Variants in SH3BGRL2 observed in about 807,000 individuals in gnomAD.
SH3BGRL2 encodes SH3 domain-binding glutamic acid-rich-like protein 2.
SH3BGRL2 carries 21 observed loss-of-function variants against 14.8 expected under a neutral mutation model. That is an observed-to-expected ratio of 1.42 (90% confidence interval 1.01 to 2.05). The LOEUF is 2.05. Ranked by LOEUF, SH3BGRL2 falls within the 30% of genes most tolerant of loss-of-function variation. The probability of loss-of-function intolerance (pLI) is 0.00; values close to 1 mark genes in which losing one functional copy is unlikely to be tolerated. For missense variants in SH3BGRL2, 147 were observed against 130.8 expected (o/e 1.12, Z -0.61); for synonymous variants, 50 against 47.8 (o/e 1.05, Z -0.19).
At chr6:79,636,705 C>T (rs894292467) in intron 1 of SH3BGRL2, among the ~76,000 whole-genome samples, 3 of 152,126 alleles carry the variant, frequency 2.0e-5, no homozygotes, top group Non-Finnish European at 4.4e-5. Context: ...CCATGTCTTT[C>T]TCCTAGTTTC....
At chr6:79,666,421 G>A (rs1219790997) in intron 1 of SH3BGRL2, among the ~76,000 whole-genome samples, 1 of 152,190 alleles carries the variant, frequency 6.6e-6, no homozygotes, top group Non-Finnish European at 1.5e-5. Context: ...GATCATGAAT[G>A]GCTTTGGTGT....
upstream of SH3BGRL2, chr6:79,631,199 C>T (rs1768815056): frequency 1.1e-5 from 4 of 376,256 alleles, no homozygotes; most frequent in African/African-American, 2.1e-5. Context: ...ACCAGCCACT[C>T]CAGGGAGAGA....
At chr6:79,628,496 T>A (rs1211539110), upstream of SH3BGRL2, among the ~76,000 whole-genome samples, 1 of 152,136 alleles carries the variant, frequency 6.6e-6, no homozygotes, top group Non-Finnish European at 1.5e-5. Flanking sequence ...GTCTCATCTT[T>A]CAGTTTTGGC....
chr6:79,626,378 A>G (rs1768727418), upstream of SH3BGRL2, among the ~76,000 whole-genome samples: 1 of 152,298 alleles, frequency 6.6e-6, no homozygotes, highest in Admixed American at 6.5e-5. Context: ...TCCCTTTATA[A>G]CTTCTGCCCT....
chr6:79,634,084 TG>T (rs1768877019), intron 1 of SH3BGRL2, among the ~76,000 whole-genome samples: 2 of 152,342 alleles, frequency 1.3e-5, no homozygotes, highest in African/African-American at 4.8e-5. Flanking sequence ...GGAAGGGATG[TG>T]ACCAGAATTA....
At chr6:79,584,083 C>T in the SH3BGRL2 span, among the ~76,000 whole-genome samples, 6 of 152,146 alleles carry the variant, frequency 3.9e-5, no homozygotes, top group African/African-American at 1.4e-4. Flanking sequence ...AGTCTTGGTT[C>T]AAAATCGTAG....
In SH3BGRL2 at chr6:79,701,666, C is replaced by G. The variant is rs140599490; in HGVS notation, c.*2157C>G. 1 of 142,302 alleles carries G rather than the reference C, an allele frequency of 7.0e-6. No homozygotes were observed. The highest frequency in any genetic ancestry group is 1.5e-5 in the Non-Finnish European group (1 of 66,808). 8.8% of individuals were successfully genotyped at this position (142,302 alleles called of 1,614,324 possible). A position where few individuals can be genotyped will look rare whatever the true frequency, so the allele number is the denominator to read the frequency against. On this transcript the variant is annotated 3_prime_UTR_variant, in exon 4 of 4. Transcript: ENST00000369838. Reference sequence around the variant, plus strand: ...GAGACCAGTCTCGAGTGGTGCTGTACTTGTTATGAGTGAGGCAGCAGCACA... The same window carrying G: ...GAGACCAGTCTCGAGTGGTGCTGTAGTTGTTATGAGTGAGGCAGCAGCACA...
chr6:79,699,366 G>A (rs574609489), intron 3 of SH3BGRL2, 132 bp from the exon 4 acceptor site: 436 of 1,051,406 alleles, frequency 4.1e-4, no homozygotes, highest in Middle Eastern at 2.3e-3. Context: ...TCAATCACAT[G>A]GAGGTGATCT....
chr6:79,689,969 T>A lies in SH3BGRL2; in HGVS notation c.232-6516T>A, dbSNP rs1770176549. Among the ~76,000 whole-genome samples, 4 of 152,092 alleles carry A rather than the reference T, an allele frequency of 2.6e-5. 1 individual carries two copies. In the South Asian group the frequency reaches 8.3e-4, roughly 32 times the overall value. On this transcript the variant is annotated intron_variant, in intron 2 of 3. Transcript: ENST00000369838. The stretch of plus-strand genomic sequence containing the variant: ...TTCATTCCTACATTTCACACTGACA[T>A]TAGAGTTGTTTGTTTTTGTTTTTGT...
At chr6:79,690,578 A>G (rs963285292) in intron 2 of SH3BGRL2, among the ~76,000 whole-genome samples, 1 of 152,206 alleles carries the variant, frequency 6.6e-6, no homozygotes, top group Non-Finnish European at 1.5e-5. Context: ...GGATTTCACT[A>G]GTATTCTGAT....
At chr6:79,555,785 G>A in the SH3BGRL2 span, among the ~76,000 whole-genome samples, 1 of 152,192 alleles carries the variant, frequency 6.6e-6, no homozygotes, top group Non-Finnish European at 1.5e-5. Context: ...TGGGATTACA[G>A]GCGTGAGCCA....
rs528135011 is a variant in SH3BGRL2, at chr6:79,684,384, GT to G, written c.231+10594del. The stretch of plus-strand genomic sequence containing the variant: ...TGCTAGTATGATATTTATCTCATAG[GT>G]TTTTTTTTAATGTCTTTGCCTTCAG... On this transcript the variant is annotated intron_variant, in intron 2 of 3. Coordinates refer to ENST00000369838, the MANE Select transcript of SH3BGRL2 (RefSeq NM_031469.4). 5.4e-3 allele frequency among the ~76,000 whole-genome samples: 811 copies of G among 151,252 alleles called. 11 individuals are homozygous for G. Among genetic ancestry groups the G allele is most frequent in the African/African-American group, 0.019 (768 of 41,194 alleles).
At chr6:79,673,337 G>T (rs1325144036) in intron 1 of SH3BGRL2, among the ~76,000 whole-genome samples, 1 of 152,084 alleles carries the variant, frequency 6.6e-6, no homozygotes, top group African/African-American at 2.4e-5. Flanking sequence ...CACTTTGGGA[G>T]GCCGAGGTGG....
upstream of SH3BGRL2, chr6:79,631,326 G>A (rs983099187): frequency 1.5e-5 from 11 of 738,518 alleles, no homozygotes; most frequent in African/African-American, 2.0e-4. Flanking sequence ...CCGGGAGGGA[G>A]CCAGATCCCA....
At chr6:79,548,760 G>A in the SH3BGRL2 span, among the ~76,000 whole-genome samples, 47 of 152,234 alleles carry the variant, frequency 3.1e-4, no homozygotes, top group Admixed American at 1.6e-3. Flanking sequence ...ACTCCTCATC[G>A]TCAGCTTTTG....
the SH3BGRL2 span, among the ~76,000 whole-genome samples, chr6:79,547,451 G>T: frequency 6.6e-6 from 1 of 152,106 alleles, no homozygotes; most frequent in Non-Finnish European, 1.5e-5. Context: ...CCTGTCTGGA[G>T]GCCACATGAA....
At chr6:79,682,126 T>A (rs892340761) in intron 2 of SH3BGRL2, among the ~76,000 whole-genome samples, 1 of 152,112 alleles carries the variant, frequency 6.6e-6, no homozygotes, top group African/African-American at 2.4e-5. Flanking sequence ...TTATGATGAA[T>A]TAATTGGTTA....
chr6:79,659,937 G>A (rs1361644682), intron 1 of SH3BGRL2, among the ~76,000 whole-genome samples: 3 of 151,788 alleles, frequency 2.0e-5, no homozygotes, highest in Non-Finnish European at 2.9e-5. Flanking sequence ...TTGGCTCTCT[G>A]TTTGTCTGTT....
At chr6:79,617,756 G>A in the SH3BGRL2 span, among the ~76,000 whole-genome samples, 1 of 152,196 alleles carries the variant, frequency 6.6e-6, no homozygotes, top group African/African-American at 2.4e-5. Flanking sequence ...CAATCTAGAG[G>A]CTGAATTGGA....
Sources: allele counts gnomAD v4.1 joint callset (sites outside exome capture counted in the v4.1 genomes callset), GRCh38; gene constraint gnomAD v4.1.1; transcripts MANE v1.5; gene names NCBI Gene and HGNC (gene_info 2026-07-23, HGNC 2026-07-21).